The following USO1 variants were observed in gnomAD, a reference collection of about 807,000 sequenced individuals.
The protein encoded by USO1 is USO1 vesicle transport factor, also known as general vesicular transport factor p115.
Under a neutral mutation model 124.5 loss-of-function variants are expected in USO1, and 57 were observed. The observed-to-expected ratio is 0.46, with a 90% CI of 0.37 to 0.57. USO1 has a LOEUF of 0.57. USO1 is among the 20% of genes least tolerant of loss of function. USO1 has a pLI of 0.00. For synonymous variants in USO1, 369 were observed against 362.8 expected (o/e 1.02, Z -0.19); for missense variants, 900 against 1,040.6 (o/e 0.86, Z 1.86).
At chr4:75,749,683 G>GA (rs536930150) in intron 1 of USO1, among the ~76,000 whole-genome samples, 93 of 137,136 alleles carry the variant, frequency 6.8e-4, no homozygotes, top group African/African-American at 1.7e-3. Flanking sequence ...TGATAGTCTT[G>GA]AAAAAAAAAA....
chr4:75,786,569 C>T (rs1455280811), intron 9 of USO1, among the ~76,000 whole-genome samples: 1 of 152,142 alleles, frequency 6.6e-6, no homozygotes, highest in Non-Finnish European at 1.5e-5. Flanking sequence ...ATCAATGCAG[C>T]CCACCCCATG....
At chr4:75,809,389 A>G (rs757742406) in intron 21 of USO1, among the ~76,000 whole-genome samples, 5 of 152,138 alleles carry the variant, frequency 3.3e-5, no homozygotes, top group African/African-American at 4.8e-5. Context: ...TACTTTTGCA[A>G]TATAGGTAGA....
chr4:75,745,056 A>T, intron 1 of USO1: 1 of 345,984 alleles, frequency 2.9e-6, no homozygotes, highest in East Asian at 8.6e-5. Context: ...GCCCACTGCC[A>T]TCACATTAAT....
intron 13 of USO1, among the ~76,000 whole-genome samples, chr4:75,795,699 T>C (rs923778024): frequency 1.3e-5 from 2 of 152,176 alleles, no homozygotes; most frequent in Non-Finnish European, 2.9e-5. Flanking sequence ...TCAAAGGAAG[T>C]AGAATTCAGG....
At chr4:75,746,066 T>A (rs1488971109) in intron 1 of USO1, among the ~76,000 whole-genome samples, 1 of 152,190 alleles carries the variant, frequency 6.6e-6, no homozygotes, top group East Asian at 1.9e-4. Context: ...GTAGTTCTGT[T>A]CCTTAGGTGG....
intron 20 of USO1, among the ~76,000 whole-genome samples, chr4:75,808,271 T>C (rs972933243): frequency 2.6e-5 from 4 of 152,214 alleles, no homozygotes; most frequent in Non-Finnish European, 4.4e-5. Context: ...ATAGTACTAC[T>C]GCTTTCATCT....
chr4:75,781,927 G>A (rs1722232867), intron 8 of USO1, among the ~76,000 whole-genome samples: 1 of 152,192 alleles, frequency 6.6e-6, no homozygotes, highest in Non-Finnish European at 1.5e-5. Flanking sequence ...ACTTGGTAAA[G>A]TAGAGATCAA....
At chr4:75,744,076 C>G (rs1721049269) in intron 1 of USO1, among the ~76,000 whole-genome samples, 1 of 151,964 alleles carries the variant, frequency 6.6e-6, no homozygotes, top group South Asian at 2.1e-4. Flanking sequence ...GTGCCTCGCC[C>G]CTGTTTTTCT....
At chr4:75,776,438 C>T (rs1722074071) in intron 8 of USO1, among the ~76,000 whole-genome samples, 1 of 152,076 alleles carries the variant, frequency 6.6e-6, no homozygotes, top group African/African-American at 2.4e-5. Context: ...GAAATGCAAA[C>T]TATTGTAAAA....
chr4:75,766,097 G>A (rs1721761808), intron 4 of USO1, among the ~76,000 whole-genome samples: 1 of 152,154 alleles, frequency 6.6e-6, no homozygotes, highest in African/African-American at 2.4e-5. Context: ...TTAAAATACA[G>A]TGAATTTACT....
At chr4:75,749,404 G>T (rs55884734) in intron 1 of USO1, among the ~76,000 whole-genome samples, 117,536 of 148,138 alleles carry the variant, frequency 0.79, 46,612 homozygotes, top group East Asian at 0.99. Context: ...CTTTCTTTTT[G>T]TTTTTTTTAA....
chr4:75,732,876 TAAAAA>T (rs3059597), intron 1 of USO1, among the ~76,000 whole-genome samples: 36 of 48,186 alleles, frequency 7.5e-4, no homozygotes, highest in African/African-American at 3.0e-3. Context: ...AGATTCCATC[TAAAAA>T]AAAAAAAAAA....
At chr4:75,743,476 A>ACTCAGTCACGGTCTCACTTCC (rs1486443538) in intron 1 of USO1, among the ~76,000 whole-genome samples, 113 of 151,832 alleles carry the variant, frequency 7.4e-4, no homozygotes, top group Non-Finnish European at 1.3e-3. Flanking sequence ...TAGCACCTTC[A>ACTCAGTCACGGTCTCACTTCC]CTCAGTCACG....
intron 13 of USO1, among the ~76,000 whole-genome samples, chr4:75,797,711 G>A (rs1185283947): frequency 1.3e-5 from 2 of 151,556 alleles, no homozygotes; most frequent in East Asian, 1.9e-4. Flanking sequence ...TTGTGATCTC[G>A]GCTCACTGCA....
intron 1 of USO1, among the ~76,000 whole-genome samples, chr4:75,746,276 T>G (rs1422537327): frequency 6.6e-6 from 1 of 152,194 alleles, no homozygotes; most frequent in East Asian, 1.9e-4. Context: ...TTGGCCAGAA[T>G]GTATTATAGT....
At chr4:75,728,554 G>A (rs1401705713) in intron 1 of USO1, among the ~76,000 whole-genome samples, 1 of 152,170 alleles carries the variant, frequency 6.6e-6, no homozygotes, top group Non-Finnish European at 1.5e-5. Flanking sequence ...GGAGGCTGAG[G>A]CAGGAGAATC....
At position 75,740,728 on chromosome 4, in the gene USO1, G is replaced by A. The variant is rs983515196; in HGVS notation, c.67-11645G>A. 1.1e-4 allele frequency among the ~76,000 whole-genome samples: 16 copies of A among 152,150 alleles called. 1 individual carries two copies. Among genetic ancestry groups the A allele is most frequent in the Admixed American group, 5.2e-4 (8 of 15,262 alleles). ...TGGTATTTTAGAGTAGGTAATAAAAGCAAGATCTAATATGGAAATTTCTTT... is the reference window on the plus strand; with the variant it reads ...TGGTATTTTAGAGTAGGTAATAAAAACAAGATCTAATATGGAAATTTCTTT... On this transcript the variant is annotated intron_variant, in intron 1 of 23. Transcript: ENST00000514213.
chr4:75,749,167 C>G (rs1288765219), intron 1 of USO1, among the ~76,000 whole-genome samples: 2 of 152,072 alleles, frequency 1.3e-5, no homozygotes, highest in Non-Finnish European at 2.9e-5. Context: ...TCCTAGAAAT[C>G]ATGCAATGCA....
In USO1 at chr4:75,724,724, G is replaced by A. The variant is rs1250407158; in HGVS notation, c.-96G>A. ...GTGGTGGCAGCAGTAGGAGTGTGTA[G>A]AGTGCGGGATTGGGGCCCAGGCCCT... On this transcript the variant is annotated 5_prime_UTR_variant, in exon 1 of 24. Transcript: ENST00000514213. The A allele has an allele frequency of 5.5e-6, 7 of 1,279,450 alleles. No homozygotes were observed. Among genetic ancestry groups the A allele is most frequent in the Non-Finnish European group, 7.7e-6 (7 of 903,404 alleles). The allele number at this position is 1,279,450 out of a possible 1,614,324, so 79.3% of individuals were successfully genotyped here. A position where few individuals can be genotyped will look rare whatever the true frequency, so the allele number is the denominator to read the frequency against.
Sources: allele counts gnomAD v4.1 joint callset (sites outside exome capture counted in the v4.1 genomes callset), GRCh38; gene constraint gnomAD v4.1.1; transcripts MANE v1.5; gene names NCBI Gene and HGNC (gene_info 2026-07-23, HGNC 2026-07-21).